SLC47A2: variants seen among roughly 807,000 people sequenced by gnomAD.
The protein encoded by SLC47A2 is solute carrier family 47 member 2.
SLC47A2 carries 52 observed loss-of-function variants against 67.7 expected under a neutral mutation model. The observed-to-expected ratio is 0.77, with a 90% CI of 0.61 to 0.97. The LOEUF is 0.97. Ranked by LOEUF, SLC47A2 falls within the 50% of genes least tolerant of loss-of-function variation. The probability of loss-of-function intolerance (pLI) is 0.00; values close to 1 mark genes in which losing one functional copy is unlikely to be tolerated. For missense variants in SLC47A2, 676 were observed against 712.3 expected, an observed-to-expected ratio of 0.95 and a Z score of 0.58; for synonymous variants, 278 against 292.9, an observed-to-expected ratio of 0.95 and a Z score of 0.52.
intron 13 of SLC47A2, chr17:19,702,040 T>C (rs2085798654): frequency 1.3e-6 from 1 of 746,324 alleles, no homozygotes; most frequent in Non-Finnish European, 1.6e-6. Flanking sequence ...GCTCAGGAGG[T>C]TGAGGCTGCA....
rs1597619552 is a variant in SLC47A2 at position 19,702,762 on chromosome 17, A to G, written c.1095-88T>C. 4.9e-6 allele frequency: 7 copies of G among 1,434,360 alleles called. No individual in the cohort carries two copies. In the East Asian group the frequency reaches 1.6e-4, roughly 34 times the overall value. 88.9% of individuals were successfully genotyped at this position (1,434,360 alleles called of 1,614,324 possible). A position where few individuals can be genotyped will look rare whatever the true frequency, so the allele number is the denominator to read the frequency against. On this transcript the variant is annotated intron_variant, in intron 12 of 16. Coordinates refer to ENST00000433844, the MANE Select transcript of SLC47A2 (RefSeq NM_001099646.3). ...TTCTATTCCACACCCCACCCCCACA[A>G]GAAAAAGCTTTGGAATAGAGGTAGT...
At chr17:19,695,499 C>CAAAA (rs369851386) in intron 13 of SLC47A2, among the ~76,000 whole-genome samples, 1 of 55,416 alleles carries the variant, frequency 1.8e-5, no homozygotes. Flanking sequence ...AAACAAAGAA[C>CAAAA]AAAAAAAAAA....
intron 13 of SLC47A2, among the ~76,000 whole-genome samples, chr17:19,683,170 A>C (rs2085351824): frequency 6.6e-6 from 1 of 152,132 alleles, no homozygotes; most frequent in Non-Finnish European, 1.5e-5. Context: ...TGTACCCTGG[A>C]CCAGTGTTTC....
chr17:19,680,158 A>G lies in SLC47A2; in HGVS notation c.1393-119T>C. ...AAGCTGAAGCAGCATATATGCATGT[A>G]TTCATAGTCATGGGGCTTTTAGAAA... On this transcript the variant is annotated intron_variant, in intron 15 of 16. Coordinates refer to ENST00000433844, the MANE Select transcript of SLC47A2 (RefSeq NM_001099646.3). 6.7e-6 allele frequency: 6 copies of G among 892,072 alleles called. No individual in the cohort carries two copies. In the South Asian group the frequency reaches 1.0e-4, roughly 15 times the overall value. 55.3% of individuals were successfully genotyped at this position (892,072 alleles called of 1,614,324 possible). A position where few individuals can be genotyped will look rare whatever the true frequency, so the allele number is the denominator to read the frequency against.
chr17:19,705,557 T>C, intron 9 of SLC47A2, 54 bp from the exon 10 acceptor site: 1 of 1,536,528 alleles, frequency 6.5e-7, no homozygotes. Context: ...ACCCAGACCC[T>C]GCGCCGACAG....
upstream of SLC47A2, chr17:19,718,823 C>A (rs562942164): frequency 5.3e-5 from 8 of 152,350 alleles, no homozygotes; most frequent in Admixed American, 5.2e-4. Flanking sequence ...CTCCGTGAGT[C>A]CTCCATAGTC....
In SLC47A2 at chr17:19,713,841, C is replaced by G. The variant is rs368222627; in HGVS notation, c.427G>C (p.Asp143His). 6.2e-7 allele frequency: 1 copy of G among 1,612,822 alleles called. No individual in the cohort carries two copies. The highest frequency in any genetic ancestry group is 8.5e-7 in the Non-Finnish European group (1 of 1,179,724). Reference protein sequence around the residue: ...TQHILLLFRQDPDVSRLTQDY... With the variant: ...TQHILLLFRQHPDVSRLTQDY... ...CCAGCGCACCTGGACACGTCCGGGT[C>G]CTGCCGGAAGAGCAGCAGGATGTGC... Residue 143 changes from aspartate (D) to histidine (H), a missense_variant, in exon 4 of 17, where the codon GAC (aspartate) becomes CAC (histidine). Coordinates refer to ENST00000433844, the MANE Select transcript of SLC47A2 (RefSeq NM_001099646.3).
intron 16 of SLC47A2, among the ~76,000 whole-genome samples, chr17:19,679,243 T>C (rs1214386592): frequency 6.6e-6 from 1 of 152,210 alleles, no homozygotes; most frequent in Non-Finnish European, 1.5e-5. Flanking sequence ...TACCGTATTC[T>C]CTCATGACAA....
chr17:19,693,831 C>G (rs1036168384), intron 13 of SLC47A2, among the ~76,000 whole-genome samples: 1 of 151,940 alleles, frequency 6.6e-6, no homozygotes, highest in Non-Finnish European at 1.5e-5. Context: ...ATTGGAGGTT[C>G]TCCCCAAATT....
In SLC47A2 at chr17:19,706,616, C is replaced by T. The variant is rs776785145; in HGVS notation, c.841+32G>A. On this transcript the variant is annotated intron_variant, in intron 9 of 16. Coordinates refer to ENST00000433844, the MANE Select transcript of SLC47A2 (RefSeq NM_001099646.3). ...TTCTGGGCTGGGTGAGCCGCCCACA[C>T]GCCATTGCGCCCCCCATCCTCTTCC... 2.8e-5 allele frequency: 43 copies of T among 1,527,526 alleles called. 1 individual carries two copies. Among genetic ancestry groups the T allele is most frequent in the South Asian group, 8.6e-5 (7 of 81,114 alleles). The allele number at this position is 1,527,526 out of a possible 1,614,324, so 94.6% of individuals were successfully genotyped here. A position where few individuals can be genotyped will look rare whatever the true frequency, so the allele number is the denominator to read the frequency against.
At chr17:19,689,123 T>A (rs1597598493) in intron 13 of SLC47A2, among the ~76,000 whole-genome samples, 2 of 151,382 alleles carry the variant, frequency 1.3e-5, no homozygotes, top group Non-Finnish European at 2.9e-5. Flanking sequence ...CCCAGGCTGG[T>A]CTCAAACTCC....
intron 4 of SLC47A2, among the ~76,000 whole-genome samples, chr17:19,713,217 G>A (rs1437218018): frequency 2.0e-5 from 3 of 152,110 alleles, no homozygotes; most frequent in East Asian, 1.9e-4. Context: ...GTGAAACCCC[G>A]TTTCTACTAA....
Position 19,687,935 on chromosome 17 carries a change from T to C in SLC47A2, c.1165-6265A>G, listed in dbSNP as rs181020562. The stretch of plus-strand genomic sequence containing the variant: ...AAGCAAAAGCCCAGGACCCAATGAC[T>C]TCACTGCTTAATTTTACTAAACACT... On this transcript the variant is annotated intron_variant, in intron 13 of 16. Coordinates refer to ENST00000433844, the MANE Select transcript of SLC47A2 (RefSeq NM_001099646.3). Among the ~76,000 whole-genome samples, 7 of 152,292 alleles carry C rather than the reference T, an allele frequency of 4.6e-5. No homozygotes were observed. In the East Asian group the frequency reaches 1.3e-3, roughly 29 times the overall value.
chr17:19,682,787 A>G (rs1462542824), intron 13 of SLC47A2, among the ~76,000 whole-genome samples: 1 of 152,170 alleles, frequency 6.6e-6, no homozygotes, highest in Non-Finnish European at 1.5e-5. Context: ...AGCTTATTCC[A>G]TATGAGACAA....
rs890489829 is a variant in SLC47A2, at chr17:19,678,617, A to C, written c.*69T>G. 6 of 1,523,182 alleles carry C rather than the reference A, an allele frequency of 3.9e-6. No homozygotes were observed. Among genetic ancestry groups the C allele is most frequent in the Non-Finnish European group, 5.4e-6 (6 of 1,103,668 alleles). 94.4% of individuals were successfully genotyped at this position (1,523,182 alleles called of 1,614,324 possible). ...CACTAGACCCCATTGGTGTTTTTGCAGGGCAGACCGTGGTGTGTTTGCATA... is the reference window on the plus strand; with the variant it reads ...CACTAGACCCCATTGGTGTTTTTGCCGGGCAGACCGTGGTGTGTTTGCATA... On this transcript the variant is annotated 3_prime_UTR_variant, in exon 17 of 17. Coordinates refer to ENST00000433844, the MANE Select transcript of SLC47A2 (RefSeq NM_001099646.3).
chr17:19,706,124 T>C (rs1028485705), intron 9 of SLC47A2, among the ~76,000 whole-genome samples: 1 of 152,208 alleles, frequency 6.6e-6, no homozygotes, highest in African/African-American at 2.4e-5. Context: ...TGATTTTCTA[T>C]TTGTGGAGTT....
At chr17:19,702,154 C>T (rs953011001) in intron 13 of SLC47A2, 1 of 984,902 alleles carries the variant, frequency 1.0e-6, no homozygotes, top group Non-Finnish European at 1.2e-6. Context: ...TTAAATGACA[C>T]CTGTCCTTTA....
intron 3 of SLC47A2, 31 bp downstream of exon 3, chr17:19,714,690 G>A (rs757905325): frequency 1.8e-5 from 29 of 1,612,880 alleles, no homozygotes; most frequent in African/African-American, 2.7e-5. Flanking sequence ...CCCTTGCCTG[G>A]CTTCCTGCCC....
chr17:19,687,541 T>C (rs2085454363), intron 13 of SLC47A2, among the ~76,000 whole-genome samples: 1 of 149,766 alleles, frequency 6.7e-6, no homozygotes, highest in South Asian at 2.1e-4. Context: ...ACCAAAAAAA[T>C]ACAAAAGATC....
Sources: gnomAD v4.1 joint callset for allele counts (sites outside exome capture counted in the v4.1 genomes callset) on GRCh38, gnomAD v4.1.1 for gene constraint, MANE v1.5 for transcripts, NCBI Gene and HGNC (gene_info 2026-07-23, HGNC 2026-07-21) for gene names.